Variants in AP3D1 observed in about 807,000 individuals in gnomAD.
AP3D1 encodes the protein adaptor related protein complex 3 subunit delta 1, also known as AP-3 complex subunit delta-1.
Under a neutral mutation model 147.6 loss-of-function variants are expected in AP3D1, and 51 were observed. The ratio of observed to expected loss-of-function variants is 0.35; its 90% CI spans 0.28 to 0.44. AP3D1 has a LOEUF of 0.44. Among genes scored for constraint, AP3D1 ranks in the 20% least tolerant of loss-of-function variants. The pLI, the probability that AP3D1 is intolerant of heterozygous loss-of-function variation, is 1.00. For missense variants in AP3D1, 1,421 were observed against 1,624.2 expected, an observed-to-expected ratio of 0.87 and a Z score of 2.15; for synonymous variants, 760 against 663.0, an observed-to-expected ratio of 1.15 and a Z score of -2.25.
intron 8 of AP3D1, among the ~76,000 whole-genome samples, chr19:2,127,582 T>C (rs941512061): frequency 6.6e-6 from 1 of 152,228 alleles, no homozygotes; most frequent in Non-Finnish European, 1.5e-5. Flanking sequence ...CGGAGTGCAA[T>C]GGCGCGGCCT....
intron 5 of AP3D1, 122 bp downstream of exon 5, chr19:2,132,349 G>T: frequency 1.3e-6 from 1 of 783,926 alleles, no homozygotes; most frequent in Non-Finnish European, 2.1e-6. Flanking sequence ...CCCATTTCAG[G>T]CAGGCCACGC....
At chr19:2,118,927 A>C in intron 14 of AP3D1, 95 bp from the exon 15 acceptor site, 1 of 1,158,282 alleles carries the variant, frequency 8.6e-7, no homozygotes, top group Non-Finnish European at 1.2e-6. Context: ...CGTCACCAAC[A>C]AGGTGACTCT....
At chr19:2,133,811 T>A (rs1308956195) in intron 4 of AP3D1, among the ~76,000 whole-genome samples, 1 of 150,794 alleles carries the variant, frequency 6.6e-6, no homozygotes, top group African/African-American at 2.4e-5. Context: ...CAACTGGTTC[T>A]TTTAAAAGGA....
chr19:2,113,209 G>A (rs1185447822), intron 23 of AP3D1, 127 bp downstream of exon 23: 2 of 652,744 alleles, frequency 3.1e-6, no homozygotes, highest in Non-Finnish European at 5.3e-6. Context: ...TCAGTGCTGG[G>A]TCCCACAGGT....
At chr19:2,132,946 G>A (rs2018988231) in intron 4 of AP3D1, among the ~76,000 whole-genome samples, 1 of 152,162 alleles carries the variant, frequency 6.6e-6, no homozygotes, top group African/African-American at 2.4e-5. Flanking sequence ...ACAGGCTGAA[G>A]CACTCTGCGT....
At chr19:2,108,813 G>A in intron 30 of AP3D1, 47 bp from the exon 31 acceptor site, 14 of 1,539,210 alleles carry the variant, frequency 9.1e-6, no homozygotes, top group Non-Finnish European at 1.2e-5. Context: ...TTGCATGGCT[G>A]CAGCCCCACC....
intron 4 of AP3D1, among the ~76,000 whole-genome samples, chr19:2,134,789 C>CG (rs2019036441): frequency 6.6e-6 from 1 of 150,582 alleles, no homozygotes. Context: ...TTAGTACAGA[C>CG]GGGGTTTCAC....
In AP3D1 at chr19:2,138,615, TTACA is replaced by T; in HGVS notation, c.192_192+3del. On this transcript the variant is annotated splice_donor_variant and splice_donor_region_variant and coding_sequence_variant and intron_variant, in exon 2 of 32. Transcript: ENST00000643116. LOFTEE classifies it high-confidence loss of function. ...CTGGGCGCTGGCCACTGGGAGGCACTTACATACGTCAGCTTGCAGACCGCGTTCG... is the reference window on the plus strand; with the variant it reads ...CTGGGCGCTGGCCACTGGGAGGCACTTACGTCAGCTTGCAGACCGCGTTCG... The T allele has an allele frequency of 6.2e-7, 1 of 1,613,296 alleles. No homozygotes were observed. The highest frequency in any genetic ancestry group is 8.5e-7 in the Non-Finnish European group (1 of 1,179,532).
chr19:2,112,027 T>C, intron 24 of AP3D1, 199 bp from the exon 25 acceptor site: 5 of 825,050 alleles, frequency 6.1e-6, no homozygotes, highest in Non-Finnish European at 9.2e-6. Context: ...GGGCCGTCTC[T>C]GGTTGGCGGC....
intron 21 of AP3D1, 77 bp from the exon 22 acceptor site, chr19:2,114,379 A>G: frequency 8.0e-7 from 1 of 1,254,556 alleles, no homozygotes; most frequent in South Asian, 1.3e-5. Flanking sequence ...GCCGTGTCCA[A>G]GCATGTGGCA....
intron 5 of AP3D1, among the ~76,000 whole-genome samples, chr19:2,132,113 G>C (rs187589666): frequency 6.6e-6 from 1 of 152,136 alleles, no homozygotes; most frequent in Admixed American, 6.6e-5. Context: ...TGGCAAGGAG[G>C]AGTCAAGCTG....
intron 1 of AP3D1, among the ~76,000 whole-genome samples, chr19:2,143,424 T>C (rs2019274289): frequency 6.6e-6 from 1 of 151,616 alleles, no homozygotes; most frequent in South Asian, 2.1e-4. Flanking sequence ...GTATTTTTAG[T>C]AGAGACGGGA....
intron 9 of AP3D1, among the ~76,000 whole-genome samples, chr19:2,125,087 A>C (rs1276926395): frequency 6.6e-6 from 1 of 152,198 alleles, no homozygotes; most frequent in East Asian, 1.9e-4. Flanking sequence ...CCGCTAAAGA[A>C]CTGATCCCTG....
At chr19:2,120,143 G>C (rs556678257) in intron 14 of AP3D1, among the ~76,000 whole-genome samples, 1 of 152,302 alleles carries the variant, frequency 6.6e-6, no homozygotes, top group East Asian at 1.9e-4. Context: ...GCCCGAGGCA[G>C]TGAGGCATAG....
At chr19:2,139,870 A>G (rs967415443) in intron 1 of AP3D1, among the ~76,000 whole-genome samples, 3 of 151,008 alleles carry the variant, frequency 2.0e-5, no homozygotes, top group Non-Finnish European at 4.4e-5. Flanking sequence ...AAGCAGCCCC[A>G]GGAGTACCCA....
intron 20 of AP3D1, 41 bp from the exon 21 acceptor site, chr19:2,114,862 T>C (rs1275436375): frequency 6.2e-7 from 1 of 1,603,944 alleles, no homozygotes; most frequent in South Asian, 1.1e-5. Flanking sequence ...AACCCGCCCT[T>C]GTGGCCTGGT....
intron 16 of AP3D1, 156 bp from the exon 17 acceptor site, chr19:2,116,902 C>A: frequency 1.9e-6 from 2 of 1,071,624 alleles, no homozygotes; most frequent in Non-Finnish European, 2.6e-6. Flanking sequence ...GTGTCACTGC[C>A]CCTTAAGAGG....
chr19:2,140,131 C>G (rs999929128), intron 1 of AP3D1, among the ~76,000 whole-genome samples: 5 of 152,136 alleles, frequency 3.3e-5, no homozygotes, highest in African/African-American at 1.2e-4. Context: ...ACCCACTCCT[C>G]CTGCTCAAAG....
chr19:2,136,930 G>A, intron 4 of AP3D1, 81 bp downstream of exon 4: 3 of 1,322,682 alleles, frequency 2.3e-6, no homozygotes, highest in Non-Finnish European at 2.1e-6. Flanking sequence ...CTGCCCACAG[G>A]AAGACGCGTG....
Sources: gnomAD v4.1 joint callset for allele counts (sites outside exome capture counted in the v4.1 genomes callset) on GRCh38, gnomAD v4.1.1 for gene constraint, MANE v1.5 for transcripts, NCBI Gene and HGNC (gene_info 2026-07-23, HGNC 2026-07-21) for gene names.